ZNF503: variants seen among roughly 807,000 people sequenced by gnomAD.
The protein encoded by ZNF503 is zinc finger protein 503, also known as NocA-like zinc finger 2.
A neutral mutation model predicts 34.4 loss-of-function variants in ZNF503; 15 were observed. The ratio of observed to expected loss-of-function variants is 0.44; its 90% CI spans 0.29 to 0.67. The LOEUF (loss-of-function observed/expected upper bound fraction) is 0.67. Among genes scored for constraint, ZNF503 ranks in the 30% least tolerant of loss-of-function variants. The pLI, the probability that ZNF503 is intolerant of heterozygous loss-of-function variation, is 0.13. For synonymous variants in ZNF503, 580 were observed against 456.8 expected, an observed-to-expected ratio of 1.27 and a Z score of -3.44; for missense variants, 1,007 against 926.8, an observed-to-expected ratio of 1.09 and a Z score of -1.12.
chr10:75,310,033 TATAGTCC>T, the ZNF503 span, among the ~76,000 whole-genome samples: 1 of 152,226 alleles, frequency 6.6e-6, no homozygotes, highest in African/African-American at 2.4e-5. Flanking sequence ...GGAGTTGTCT[TATAGTCC>T]ATCTTGAAAA....
chr10:75,320,583 C>T, the ZNF503 span, among the ~76,000 whole-genome samples: 3 of 151,928 alleles, frequency 2.0e-5, no homozygotes, highest in Non-Finnish European at 4.4e-5. Context: ...TTTGGGAGGC[C>T]AAGATGGGAG....
the ZNF503 span, among the ~76,000 whole-genome samples, chr10:75,366,381 A>T: frequency 6.6e-6 from 1 of 152,242 alleles, no homozygotes; most frequent in Non-Finnish European, 1.5e-5. Context: ...CCGTCTGCTC[A>T]TAATAGCCTG....
the ZNF503 span, among the ~76,000 whole-genome samples, chr10:75,368,369 T>C: frequency 0.044 from 6,628 of 151,470 alleles, 440 homozygotes; most frequent in African/African-American, 0.14. Flanking sequence ...AAGAGAAGGG[T>C]TCAAAAATAA....
the ZNF503 span, among the ~76,000 whole-genome samples, chr10:75,352,960 G>T: frequency 6.6e-6 from 1 of 152,138 alleles, no homozygotes; most frequent in Non-Finnish European, 1.5e-5. Context: ...GTTCTGTAGG[G>T]GGTGTTCTAG....
the ZNF503 span, chr10:75,361,530 C>G: frequency 6.6e-6 from 1 of 152,142 alleles, no homozygotes; most frequent in Non-Finnish European, 1.5e-5. Flanking sequence ...TTCAATACCT[C>G]TAGCCCAAAA....
the ZNF503 span, among the ~76,000 whole-genome samples, chr10:75,319,236 G>A: frequency 0.018 from 2,796 of 152,248 alleles, 80 homozygotes; most frequent in African/African-American, 0.064. Context: ...TTACGGGCAT[G>A]AGCCACTGTG....
At chr10:75,339,021 A>T in the ZNF503 span, among the ~76,000 whole-genome samples, 1 of 152,120 alleles carries the variant, frequency 6.6e-6, no homozygotes, top group Admixed American at 6.5e-5. Flanking sequence ...TGAGCTCAGG[A>T]GTTTGAGACC....
chr10:75,360,124 T>C, the ZNF503 span, among the ~76,000 whole-genome samples: 7 of 145,292 alleles, frequency 4.8e-5, no homozygotes, highest in African/African-American at 7.7e-5. Flanking sequence ...CTTTTTTTTT[T>C]TTTTTTTTTT....
chr10:75,401,544 C>T lies in ZNF503; in HGVS notation c.-125G>A. On this transcript the variant is annotated 5_prime_UTR_variant, in exon 1 of 2. In the 5' UTR this introduces an upstream ATG that the reference lacks. Coordinates refer to ENST00000372524, the MANE Select transcript of ZNF503 (RefSeq NM_032772.6). ...GGAGGAGGAGCTGGCGCGGCGGCCA[C>T]GGGCGCCCAGCGCGCCTTCTCGGCG... 2 of 1,236,808 alleles carry T rather than the reference C, an allele frequency of 1.6e-6. No homozygotes were observed. The highest frequency in any genetic ancestry group is 1.4e-5 in the South Asian group (1 of 72,736). The allele number at this position is 1,236,808 out of a possible 1,614,324, so 76.6% of individuals were successfully genotyped here.
the ZNF503 span, among the ~76,000 whole-genome samples, chr10:75,341,237 C>T: frequency 7.9e-5 from 12 of 152,120 alleles, no homozygotes; most frequent in African/African-American, 2.9e-4. Flanking sequence ...AAAGAGACTG[C>T]CCCTCTAGAA....
At chr10:75,340,486 A>G in the ZNF503 span, among the ~76,000 whole-genome samples, 54 of 152,372 alleles carry the variant, frequency 3.5e-4, no homozygotes, top group African/African-American at 1.2e-3. Context: ...TTTGTTCACA[A>G]TCGTGAACAA....
chr10:75,324,119 C>T, the ZNF503 span, among the ~76,000 whole-genome samples: 25 of 148,414 alleles, frequency 1.7e-4, no homozygotes, highest in Non-Finnish European at 3.4e-4. Context: ...CTATGGTTTG[C>T]TTTTGTATTC....
chr10:75,301,528 A>G, the ZNF503 span, among the ~76,000 whole-genome samples: 6 of 152,222 alleles, frequency 3.9e-5, no homozygotes, highest in African/African-American at 9.6e-5. Flanking sequence ...GGCGTGAGCC[A>G]CCATGCCCGG....
At chr10:75,345,498 T>G in the ZNF503 span, among the ~76,000 whole-genome samples, 112,895 of 151,286 alleles carry the variant, frequency 0.75, 42,527 homozygotes, top group Middle Eastern at 0.8. Context: ...AGCCAGGCGT[T>G]GTGGTGGGTG....
chr10:75,401,087 CAG>C lies in ZNF503; in HGVS notation c.315+16_315+17del, dbSNP rs1036464537. 2.5e-6 allele frequency: 4 copies of C among 1,613,716 alleles called. No individual in the cohort carries two copies. Among genetic ancestry groups the C allele is most frequent in the Non-Finnish European group, 1.7e-6 (2 of 1,179,972 alleles). On this transcript the variant is annotated intron_variant, in intron 1 of 1. Transcript: ENST00000372524. ...CCAGGGTAGTGGTCCCAGTGCGATC[CAG>C]AGAGAGGGTCCTTACCTCGATGGGG... is the stretch of plus-strand genomic sequence containing the variant.
the ZNF503 span, among the ~76,000 whole-genome samples, chr10:75,331,382 A>G: frequency 6.6e-6 from 1 of 152,214 alleles, no homozygotes; most frequent in Non-Finnish European, 1.5e-5. Context: ...TGATTTGTCC[A>G]ATGCTAAGTG....
the ZNF503 span, among the ~76,000 whole-genome samples, chr10:75,297,138 T>C: frequency 7.9e-5 from 12 of 152,164 alleles, no homozygotes; most frequent in Non-Finnish European, 1.5e-4. Flanking sequence ...TTTATTTCTG[T>C]CTATCCTACT....
the ZNF503 span, among the ~76,000 whole-genome samples, chr10:75,291,515 G>C: frequency 9.2e-5 from 14 of 152,144 alleles, no homozygotes; most frequent in Non-Finnish European, 2.1e-4. Context: ...GGGAGGCTGA[G>C]GGGGAGGATT....
At chr10:75,320,886 T>C in the ZNF503 span, among the ~76,000 whole-genome samples, 2 of 152,306 alleles carry the variant, frequency 1.3e-5, no homozygotes, top group South Asian at 2.1e-4. Context: ...TTCGCATTCA[T>C]TCATGGTATA....
Sources: allele counts gnomAD v4.1 joint callset (sites outside exome capture counted in the v4.1 genomes callset), GRCh38; gene constraint gnomAD v4.1.1; transcripts MANE v1.5; gene names NCBI Gene and HGNC (gene_info 2026-07-23, HGNC 2026-07-21).